The following NECAB1 variants were observed in gnomAD, a reference collection of about 807,000 sequenced individuals.
NECAB1 encodes N-terminal EF-hand calcium-binding protein 1.
NECAB1 carries 29 observed loss-of-function variants against 57.5 expected under a neutral mutation model. The observed-to-expected ratio is 0.50, with a 90% confidence interval of 0.38 to 0.69. The LOEUF is 0.69. Ranked by LOEUF, NECAB1 falls within the 30% of genes least tolerant of loss-of-function variation. NECAB1 has a pLI of 0.00. For missense variants in NECAB1, 372 were observed against 413.8 expected (o/e 0.90, Z 0.88); for synonymous variants, 142 against 147.7 (o/e 0.96, Z 0.28).
At chr8:90,807,118 T>A (rs976444865) in intron 2 of NECAB1, among the ~76,000 whole-genome samples, 3 of 152,206 alleles carry the variant, frequency 2.0e-5, no homozygotes, top group Non-Finnish European at 4.4e-5. Flanking sequence ...GATGCTTCAA[T>A]ATGTGGTAGT....
intron 5 of NECAB1, among the ~76,000 whole-genome samples, chr8:90,886,790 A>T (rs1358446194): frequency 6.6e-6 from 1 of 152,056 alleles, no homozygotes; most frequent in African/African-American, 2.4e-5. Flanking sequence ...TGGAATTTTC[A>T]TTAAATTTAT....
intron 5 of NECAB1, among the ~76,000 whole-genome samples, chr8:90,906,435 C>T (rs1481119338): frequency 1.3e-5 from 2 of 152,108 alleles, no homozygotes; most frequent in Non-Finnish European, 2.9e-5. Context: ...GCTTCAACCC[C>T]CTACCTTGAC....
intron 12 of NECAB1, among the ~76,000 whole-genome samples, chr8:90,952,308 TGATTGTTGAAGCCTGG>T (rs1244927803): frequency 6.6e-6 from 1 of 151,612 alleles, no homozygotes; most frequent in African/African-American, 2.4e-5. Context: ...CACAGCAAGA[TGATTGTTGAAGCCTGG>T]GATTGGTAAG....
At chr8:90,811,183 C>T (rs747654814) in intron 2 of NECAB1, among the ~76,000 whole-genome samples, 98 of 152,142 alleles carry the variant, frequency 6.4e-4, no homozygotes, top group Non-Finnish European at 1.0e-3. Flanking sequence ...GATCTCCTGA[C>T]CTCATGATCC....
intron 5 of NECAB1, among the ~76,000 whole-genome samples, chr8:90,905,435 G>A (rs1038694609): frequency 6.6e-6 from 1 of 152,176 alleles, no homozygotes; most frequent in Non-Finnish European, 1.5e-5. Context: ...TAAGTGTCTG[G>A]TGGAAGACAG....
intron 10 of NECAB1, 41 bp downstream of exon 10, chr8:90,940,939 T>A: frequency 7.0e-7 from 1 of 1,435,064 alleles, no homozygotes; most frequent in Non-Finnish European, 9.6e-7. Flanking sequence ...TTTGGCAGCC[T>A]GGGAATACAG....
At chr8:90,857,688 C>G (rs1162199620) in intron 3 of NECAB1, among the ~76,000 whole-genome samples, 1 of 151,986 alleles carries the variant, frequency 6.6e-6, no homozygotes, top group Non-Finnish European at 1.5e-5. Flanking sequence ...ACCTTGGTAC[C>G]AAGCTACAAT....
chr8:90,890,575 A>G (rs1226267371), intron 5 of NECAB1, among the ~76,000 whole-genome samples: 1 of 152,202 alleles, frequency 6.6e-6, no homozygotes, highest in Non-Finnish European at 1.5e-5. Context: ...ATATATAATG[A>G]ATATATATCA....
intron 5 of NECAB1, among the ~76,000 whole-genome samples, chr8:90,902,844 T>A (rs777132459): frequency 2.8e-4 from 42 of 152,066 alleles, no homozygotes; most frequent in Non-Finnish European, 5.3e-4. Flanking sequence ...TTAGGTATTA[T>A]TCTACCTAGT....
At chr8:90,917,424 G>GA (rs34544744) in intron 5 of NECAB1, 68 bp from the exon 6 acceptor site, 23,036 of 1,191,304 alleles carry the variant, frequency 0.019, 5 homozygotes, top group Non-Finnish European at 0.022. Context: ...CATGGTAAAA[G>GA]AAAAAAAAAA....
chr8:90,807,461 C>CAACA (rs1234228614), intron 2 of NECAB1, among the ~76,000 whole-genome samples: 3 of 152,066 alleles, frequency 2.0e-5, no homozygotes, highest in Non-Finnish European at 4.4e-5. Flanking sequence ...CATCACCTAG[C>CAACA]AACACTTCAG....
intron 10 of NECAB1, 33 bp downstream of exon 10, chr8:90,940,931 T>G: frequency 4.8e-6 from 7 of 1,469,130 alleles, no homozygotes; most frequent in Non-Finnish European, 4.7e-6. Flanking sequence ...CTTAGGCCTT[T>G]GGCAGCCTGG....
At chr8:90,821,646 T>A (rs1341601034) in intron 2 of NECAB1, among the ~76,000 whole-genome samples, 1 of 151,850 alleles carries the variant, frequency 6.6e-6, no homozygotes, top group Non-Finnish European at 1.5e-5. Flanking sequence ...CTGGGAAACC[T>A]TCCCTATCCC....
At chr8:90,941,855 A>G (rs898440118) in intron 10 of NECAB1, among the ~76,000 whole-genome samples, 1 of 152,184 alleles carries the variant, frequency 6.6e-6, no homozygotes, top group Non-Finnish European at 1.5e-5. Context: ...CCCAGGTCCA[A>G]ATTCATCTGC....
Position 90,791,940 on chromosome 8 carries a change from C to T in NECAB1, c.54C>T (p.Leu18=). The change falls in exon 1 of 13, where the codon CTC becomes CTT. Residue 18 remains leucine (L), a synonymous_variant. Transcript: ENST00000417640. ...CCTCCAACAACTCCTCGGAGGAGCTCAGCTCTGCTCTGCACCTGTCCAAGG... is the reference window on the plus strand; with the variant it reads ...CCTCCAACAACTCCTCGGAGGAGCTTAGCTCTGCTCTGCACCTGTCCAAGG... ...SPSSNNSSEE[L]SSALHLSKGM... The T allele has an allele frequency of 1.9e-6, 3 of 1,552,788 alleles. No homozygotes were observed. Among genetic ancestry groups the T allele is most frequent in the Non-Finnish European group, 2.6e-6 (3 of 1,147,644 alleles).
chr8:90,931,910 A>G (rs1810416442), intron 8 of NECAB1, among the ~76,000 whole-genome samples: 1 of 151,862 alleles, frequency 6.6e-6, no homozygotes, highest in Non-Finnish European at 1.5e-5. Context: ...TCTCAAAAAA[A>G]TAAAATAAAA....
At chr8:90,846,744 G>A (rs1476629417) in intron 3 of NECAB1, among the ~76,000 whole-genome samples, 2 of 152,184 alleles carry the variant, frequency 1.3e-5, no homozygotes, top group African/African-American at 4.8e-5. Flanking sequence ...GTCTTACATG[G>A]CATTACGCAA....
At chr8:90,889,295 G>A (rs532703075) in intron 5 of NECAB1, among the ~76,000 whole-genome samples, 96 of 152,180 alleles carry the variant, frequency 6.3e-4, no homozygotes, top group Admixed American at 1.2e-3. Flanking sequence ...AACAGGAAAC[G>A]AAGACAAAAA....
chr8:90,805,328 C>T lies in NECAB1; in HGVS notation c.124+3613C>T, dbSNP rs138338727. Among the ~76,000 whole-genome samples the T allele has an allele frequency of 5.9e-5, 9 of 151,608 alleles. No homozygotes were observed. In the East Asian group the frequency reaches 9.7e-4, roughly 16 times the overall value. On this transcript the variant is annotated intron_variant, in intron 2 of 12. Coordinates refer to ENST00000417640, the MANE Select transcript of NECAB1 (RefSeq NM_022351.5). ...GACAGCATAATTGGTGACAGAATAA[C>T]GAAAGGAAGAAGAGGCAATAGGCAG...
Sources: gnomAD v4.1 joint callset for allele counts (sites outside exome capture counted in the v4.1 genomes callset) on GRCh38, gnomAD v4.1.1 for gene constraint, MANE v1.5 for transcripts, NCBI Gene and HGNC (gene_info 2026-07-23, HGNC 2026-07-21) for gene names.